The following ARID2 variants were observed in gnomAD, a reference collection of about 807,000 sequenced individuals.
ARID2 encodes AT-rich interaction domain 2.
Under a neutral mutation model 184.6 loss-of-function variants are expected in ARID2, and 32 were observed. The observed-to-expected ratio is 0.17, with a 90% CI of 0.13 to 0.23. ARID2 has a LOEUF of 0.23. Among genes scored for constraint, ARID2 ranks in the 10% least tolerant of loss-of-function variants. ARID2 has a pLI of 1.00. For synonymous variants in ARID2, 836 were observed against 772.6 expected (o/e 1.08, Z -1.36); for missense variants, 1,696 against 2,197.6 (o/e 0.77, Z 4.56).
intron 18 of ARID2, among the ~76,000 whole-genome samples, chr12:45,892,689 C>G (rs967993132): frequency 6.6e-6 from 1 of 152,066 alleles, no homozygotes; most frequent in African/African-American, 2.4e-5. Context: ...AATAGGGTTT[C>G]CTCATATACG....
rs756281594 is a variant in ARID2, at chr12:45,848,871, C to A, written c.1616C>A (p.Ser539Tyr). Reference protein sequence around the residue: ...NAHFEVNPDCSVSRAEMYSEY... With the variant: ...NAHFEVNPDCYVSRAEMYSEY... Reference sequence around the variant, plus strand: ...CATTTTGAAGTAAATCCAGATTGTTCTGTTTCTCGAGCAGAAATGTATTCT... The same window carrying A: ...CATTTTGAAGTAAATCCAGATTGTTATGTTTCTCGAGCAGAAATGTATTCT... The change falls in exon 13 of 21, where the codon TCT becomes TAT. Residue 539 changes from serine to tyrosine, a missense_variant. Around this residue, in one of 11 missense-constraint regions of ARID2, gnomAD observed 713 missense variants for 824.4 expected, o/e 0.86. Coordinates refer to ENST00000334344, the MANE Select transcript of ARID2 (RefSeq NM_152641.4). 1 of 1,611,932 alleles carries A rather than the reference C, an allele frequency of 6.2e-7. No individual in the cohort carries two copies. The highest frequency in any genetic ancestry group is 1.1e-5 in the South Asian group (1 of 90,830).
At chr12:45,808,184 T>C (rs1382832396) in intron 3 of ARID2, among the ~76,000 whole-genome samples, 1 of 152,240 alleles carries the variant, frequency 6.6e-6, no homozygotes, top group Non-Finnish European at 1.5e-5. Flanking sequence ...CTCAAGGTCA[T>C]GTTAGGGAAT....
At chr12:45,736,926 A>T (rs986598790) in intron 3 of ARID2, among the ~76,000 whole-genome samples, 2 of 152,232 alleles carry the variant, frequency 1.3e-5, no homozygotes, top group African/African-American at 4.8e-5. Context: ...TTCACCCCAC[A>T]GTAAATAGTG....
chr12:45,806,728 A>C (rs1461189555), intron 3 of ARID2, among the ~76,000 whole-genome samples: 1 of 152,066 alleles, frequency 6.6e-6, no homozygotes, highest in Non-Finnish European at 1.5e-5. Context: ...AAGCTACTGT[A>C]CTGGATTTTT....
In ARID2 at chr12:45,892,141, C is replaced by A. The variant is rs771740048; in HGVS notation, c.5147+45C>A. ...TTCCTGTTGTACATACAAAAAGAAA[C>A]TAGGCAAAACACAAGAAAATGAAAC... On this transcript the variant is annotated intron_variant, in intron 18 of 20. Coordinates refer to ENST00000334344, the MANE Select transcript of ARID2 (RefSeq NM_152641.4). 5 of 1,562,068 alleles carry A rather than the reference C, an allele frequency of 3.2e-6. No individual in the cohort carries two copies. In the East Asian group the frequency reaches 1.1e-4, roughly 36 times the overall value.
chr12:45,787,920 C>T (rs1236799680), intron 3 of ARID2, among the ~76,000 whole-genome samples: 2 of 152,118 alleles, frequency 1.3e-5, no homozygotes, highest in Non-Finnish European at 2.9e-5. Context: ...ACTCCTTTTG[C>T]TTTTCTAATC....
At chr12:45,821,003 A>G (rs540373797) in intron 5 of ARID2, among the ~76,000 whole-genome samples, 29 of 152,174 alleles carry the variant, frequency 1.9e-4, no homozygotes, top group Non-Finnish European at 1.0e-4. Context: ...CTTGCTCTCT[A>G]TGTTTTTTGA....
intron 1 of ARID2, 42 bp downstream of exon 1, chr12:45,729,970 G>A: frequency 1.2e-6 from 2 of 1,604,798 alleles, no homozygotes; most frequent in Non-Finnish European, 1.7e-6. Context: ...GCGAGCCGGG[G>A]CGAACGGGGC....
intron 20 of ARID2, among the ~76,000 whole-genome samples, chr12:45,902,538 T>C (rs1266102438): frequency 2.6e-5 from 4 of 151,608 alleles, no homozygotes; most frequent in African/African-American, 9.7e-5. Flanking sequence ...TTTGTAAATT[T>C]TTTTTTTTTT....
At position 45,844,514 on chromosome 12, in the gene ARID2, A is replaced by G. The variant is rs541265249; in HGVS notation, c.1499-2342A>G. Among the ~76,000 whole-genome samples the G allele has an allele frequency of 3.3e-5, 5 of 152,320 alleles. No individual in the cohort carries two copies. The East Asian group carries it at 5.8e-4, about 18-fold the overall frequency. On this transcript the variant is annotated intron_variant, in intron 11 of 20. Transcript: ENST00000334344. ...TTTCTAATGCCCAACTTTGCCCTCAATTGTAATATGTAAAATACTGGTATT... is the reference window on the plus strand; with the variant it reads ...TTTCTAATGCCCAACTTTGCCCTCAGTTGTAATATGTAAAATACTGGTATT...
At chr12:45,736,805 G>A (rs1941134832) in intron 3 of ARID2, among the ~76,000 whole-genome samples, 1 of 152,208 alleles carries the variant, frequency 6.6e-6, no homozygotes, top group Non-Finnish European at 1.5e-5. Flanking sequence ...TTTATTGCAG[G>A]ACTTCTTAGA....
At chr12:45,800,482 C>T (rs1009672198) in intron 3 of ARID2, among the ~76,000 whole-genome samples, 6 of 150,762 alleles carry the variant, frequency 4.0e-5, no homozygotes, top group African/African-American at 1.2e-4. Flanking sequence ...AGAGATGTTG[C>T]TATGATTTTA....
At chr12:45,746,726 G>C (rs573701368) in intron 3 of ARID2, among the ~76,000 whole-genome samples, 2 of 152,074 alleles carry the variant, frequency 1.3e-5, no homozygotes, top group African/African-American at 4.8e-5. Context: ...CAGGACAAAG[G>C]TGTTTAAGAA....
At chr12:45,801,550 G>A (rs1029466355) in intron 3 of ARID2, among the ~76,000 whole-genome samples, 6 of 152,128 alleles carry the variant, frequency 3.9e-5, no homozygotes, top group African/African-American at 1.4e-4. Context: ...CCAACTGTGA[G>A]ACAAATAGAC....
intron 15 of ARID2, 42 bp from the exon 16 acceptor site, chr12:45,860,759 T>G (rs1427780451): frequency 1.4e-6 from 2 of 1,405,338 alleles, no homozygotes; most frequent in Non-Finnish European, 1.9e-6. Flanking sequence ...ATGAATTTTT[T>G]CAGTGTCATG....
intron 3 of ARID2, among the ~76,000 whole-genome samples, chr12:45,749,106 C>A (rs1565581716): frequency 6.6e-6 from 1 of 152,210 alleles, no homozygotes; most frequent in South Asian, 2.1e-4. Flanking sequence ...CACTTCCATC[C>A]AGGGAATCAC....
intron 16 of ARID2, among the ~76,000 whole-genome samples, chr12:45,862,186 T>A (rs1298805418): frequency 1.3e-5 from 2 of 152,150 alleles, no homozygotes; most frequent in Non-Finnish European, 2.9e-5. Flanking sequence ...TGTTTTTCTT[T>A]TCAATGAAAA....
At chr12:45,883,165 A>G (rs1260398661) in intron 16 of ARID2, among the ~76,000 whole-genome samples, 1 of 152,256 alleles carries the variant, frequency 6.6e-6, no homozygotes, top group Non-Finnish European at 1.5e-5. Context: ...TCAGTTTGAG[A>G]AATATGTGTT....
intron 16 of ARID2, among the ~76,000 whole-genome samples, chr12:45,872,137 T>G (rs972353153): frequency 1.6e-4 from 24 of 152,060 alleles, no homozygotes; most frequent in African/African-American, 5.8e-4. Flanking sequence ...TTTCTGCTCT[T>G]TTATTATTTT....
Sources: allele counts gnomAD v4.1 joint callset (sites outside exome capture counted in the v4.1 genomes callset), GRCh38; gene constraint gnomAD v4.1.1; regional missense constraint gnomAD v4.1.1; transcripts MANE v1.5; gene names NCBI Gene and HGNC (gene_info 2026-07-23, HGNC 2026-07-21).